Variants in TXLNA observed in about 807,000 individuals in gnomAD.
TXLNA encodes the protein taxilin alpha, also known as alpha-taxilin.
In TXLNA, 9 loss-of-function variants were observed where a neutral mutation model predicts 61.4. The ratio of observed to expected loss-of-function variants is 0.15; its 90% CI spans 0.09 to 0.26. The LOEUF (loss-of-function observed/expected upper bound fraction) is 0.26. TXLNA is among the 10% of genes least tolerant of loss of function. TXLNA has a pLI of 1.00. For synonymous variants in TXLNA, 257 were observed against 267.7 expected, an observed-to-expected ratio of 0.96 and a Z score of 0.39; for missense variants, 565 against 688.8, an observed-to-expected ratio of 0.82 and a Z score of 2.01.
intron 1 of TXLNA, 67 bp from the exon 2 acceptor site, chr1:32,180,247 G>A (rs1384824711): frequency 6.3e-6 from 9 of 1,433,998 alleles, no homozygotes; most frequent in African/African-American, 1.4e-5. Context: ...CCTGCTGTGG[G>A]GATTTCTGAT....
Position 32,192,212 on chromosome 1 carries a change from G to C in TXLNA, c.964-99G>C. ...ATGGGAGTCCATCATATCAGATTGA[G>C]ATGGGGGGCTGGGCAAAGTGCCCTG... On this transcript the variant is annotated intron_variant, in intron 6 of 10. Transcript: ENST00000373610. The surrounding 1 kb of genome is among the most constrained non-coding windows in gnomAD (Gnocchi z 4.2). 6.6e-7 allele frequency: 1 copy of C among 1,524,554 alleles called. No homozygotes were observed. Among genetic ancestry groups the C allele is most frequent in the Non-Finnish European group, 8.9e-7 (1 of 1,119,882 alleles). The allele number at this position is 1,524,554 out of a possible 1,614,324, so 94.4% of individuals were successfully genotyped here.
intron 3 of TXLNA, among the ~76,000 whole-genome samples, chr1:32,183,583 T>A (rs1025425545): frequency 2.2e-5 from 3 of 137,236 alleles, no homozygotes; most frequent in Non-Finnish European, 4.7e-5. Context: ...CCTGCTACCA[T>A]GCCCGGCTAA....
chr1:32,190,269 C>T lies in TXLNA; in HGVS notation c.963+20C>T, dbSNP rs1420803276. On this transcript the variant is annotated intron_variant, in intron 6 of 10. Coordinates refer to ENST00000373610, the MANE Select transcript of TXLNA (RefSeq NM_175852.4). ...GAGGAGGTAAGGGTATCACGGACAG[C>T]AGTCATGGCCCAGAAATTGTGAGGT... 2 of 1,569,586 alleles carry T rather than the reference C, an allele frequency of 1.3e-6. No homozygotes were observed. The highest frequency in any genetic ancestry group is 2.3e-5 in the East Asian group (1 of 43,288).
intron 10 of TXLNA, 22 bp downstream of exon 10, chr1:32,194,182 G>C: frequency 6.2e-7 from 1 of 1,603,536 alleles, no homozygotes; most frequent in Non-Finnish European, 8.5e-7. Context: ...GTGATCTGCA[G>C]CCAGGGTGGG....
Position 32,192,821 on chromosome 1 carries a change from C to CACAGCCAGTCCTAGAA in TXLNA, c.1158+90_1158+91insACAGCCAGTCCTAGAA. 4 of 1,350,616 alleles carry CACAGCCAGTCCTAGAA rather than the reference C, an allele frequency of 3.0e-6. No individual in the cohort carries two copies. The highest frequency in any genetic ancestry group is 1.2e-5 in the South Asian group (1 of 83,450). The allele number at this position is 1,350,616 out of a possible 1,614,324, so 83.7% of individuals were successfully genotyped here. A position where few individuals can be genotyped will look rare whatever the true frequency, so the allele number is the denominator to read the frequency against. ...GTGAAATGGGACCCTCATTCTAGGA[C>CACAGCCAGTCCTAGAA]TGGCTGTGTCCTGGCTGCTATGACG... On this transcript the variant is annotated intron_variant, in intron 8 of 10. Coordinates refer to ENST00000373610, the MANE Select transcript of TXLNA (RefSeq NM_175852.4). This position sits in a 1 kb window ranked among gnomAD's most constrained non-coding sequence, Gnocchi z 4.2.
chr1:32,192,098 T>TTACCAAGG lies in TXLNA; in HGVS notation c.964-211_964-204dup, dbSNP rs1203755291. On this transcript the variant is annotated intron_variant, in intron 6 of 10. Coordinates refer to ENST00000373610, the MANE Select transcript of TXLNA (RefSeq NM_175852.4). The surrounding 1 kb of genome is among the most constrained non-coding windows in gnomAD (Gnocchi z 4.2). ...CAGATTCCATCCATAAACCATGTGC[T>TTACCAAGG]TACCAAGGTCTGACTCACTGGGAGA... Among the ~76,000 whole-genome samples, 1 of 152,230 alleles carries TTACCAAGG rather than the reference T, an allele frequency of 6.6e-6. No homozygotes were observed. The highest frequency in any genetic ancestry group is 1.5e-5 in the Non-Finnish European group (1 of 68,030).
intron 9 of TXLNA, among the ~76,000 whole-genome samples, chr1:32,193,584 AG>A (rs1642952518): frequency 6.6e-6 from 1 of 151,996 alleles, no homozygotes; most frequent in East Asian, 1.9e-4. Flanking sequence ...CCTATTGCCC[AG>A]GCTGGAGTGC....
chr1:32,197,660 CTG>C lies in TXLNA; in HGVS notation c.*2469_*2470del, dbSNP rs1643053115. On this transcript the variant is annotated 3_prime_UTR_variant, in exon 11 of 11. Transcript: ENST00000373610. The surrounding 1 kb of genome is among the most constrained non-coding windows in gnomAD (Gnocchi z 4.6). Reference sequence around the variant, plus strand: ...GTGACCTCAGTTTTAGGACCAAGATCTGTGTTGGTTTCTTAGATTGCTAGCTT... The same window carrying C: ...GTGACCTCAGTTTTAGGACCAAGATCTGTTGGTTTCTTAGATTGCTAGCTT... 1 of 152,260 alleles carries C rather than the reference CTG, an allele frequency of 6.6e-6. No individual in the cohort carries two copies. Among genetic ancestry groups the C allele is most frequent in the South Asian group, 2.1e-4 (1 of 4,836 alleles). The allele number at this position is 152,260 out of a possible 1,614,324, so 9.4% of individuals were successfully genotyped here. A position where few individuals can be genotyped will look rare whatever the true frequency, so the allele number is the denominator to read the frequency against.
chr1:32,192,497 T>C lies in TXLNA; in HGVS notation c.1083+67T>C. On this transcript the variant is annotated intron_variant, in intron 7 of 10. Coordinates refer to ENST00000373610, the MANE Select transcript of TXLNA (RefSeq NM_175852.4). The surrounding 1 kb of genome is among the most constrained non-coding windows in gnomAD (Gnocchi z 4.2). Reference sequence around the variant, plus strand: ...ACAGGCTGGGCTCTGGCTCAGCTCATAGCCGGGTTATATGGGAGAAGTCTG... The same window carrying C: ...ACAGGCTGGGCTCTGGCTCAGCTCACAGCCGGGTTATATGGGAGAAGTCTG... The C allele has an allele frequency of 6.2e-7, 1 of 1,603,146 alleles. No homozygotes were observed. The highest frequency in any genetic ancestry group is 8.5e-7 in the Non-Finnish European group (1 of 1,172,650).
chr1:32,190,356 TTCC>T (rs10551696), intron 6 of TXLNA, 107 bp downstream of exon 6: 86,242 of 1,027,592 alleles, frequency 0.084, 6,474 homozygotes, highest in African/African-American at 0.26. Context: ...TCTCCCTTTC[TTCC>T]TCCTCCTCCT....
chr1:32,182,682 T>C (rs1642692379), intron 3 of TXLNA, among the ~76,000 whole-genome samples: 1 of 150,550 alleles, frequency 6.6e-6, no homozygotes, highest in Admixed American at 6.6e-5. Flanking sequence ...AAAAAGAATC[T>C]AGAATCTAAG....
rs1295310978 is a variant in TXLNA at position 32,192,221 on chromosome 1, C to T, written c.964-90C>T. ...CATCATATCAGATTGAGATGGGGGGCTGGGCAAAGTGCCCTGGTCTGTGGC... is the reference window on the plus strand; with the variant it reads ...CATCATATCAGATTGAGATGGGGGGTTGGGCAAAGTGCCCTGGTCTGTGGC... On this transcript the variant is annotated intron_variant, in intron 6 of 10. Coordinates refer to ENST00000373610, the MANE Select transcript of TXLNA (RefSeq NM_175852.4). This position sits in a 1 kb window ranked among gnomAD's most constrained non-coding sequence, Gnocchi z 4.2. The T allele has an allele frequency of 6.4e-7, 1 of 1,550,894 alleles. No individual in the cohort carries two copies. Among genetic ancestry groups the T allele is most frequent in the Non-Finnish European group, 8.8e-7 (1 of 1,140,656 alleles).
At chr1:32,189,186 T>G (rs1642851846) in intron 5 of TXLNA, among the ~76,000 whole-genome samples, 2 of 152,194 alleles carry the variant, frequency 1.3e-5, no homozygotes, top group African/African-American at 2.4e-5. Context: ...ATAGTGAAAA[T>G]TCTTGTTATA....
rs192529966 is a variant in TXLNA, at chr1:32,182,911, C to T, written c.505+1334C>T. Reference sequence around the variant, plus strand: ...TGAAACCCCAGTTCTACTAAAGATACAAAAAATCAGCCGGGCGTGGTGGCA... The same window carrying T: ...TGAAACCCCAGTTCTACTAAAGATATAAAAAATCAGCCGGGCGTGGTGGCA... On this transcript the variant is annotated intron_variant, in intron 3 of 10. Transcript: ENST00000373610. Among the ~76,000 whole-genome samples, 545 of 149,142 alleles carry T rather than the reference C, an allele frequency of 3.7e-3. 3 individuals are homozygous for T. The highest frequency in any genetic ancestry group is 0.018 in the South Asian group (84 of 4,656).
rs201188724 is a variant in TXLNA at position 32,180,491 on chromosome 1, G to T, written c.146G>T (p.Ser49Ile). 2.4e-5 allele frequency: 38 copies of T among 1,607,930 alleles called. No homozygotes were observed. In the South Asian group the frequency reaches 4.2e-4, roughly 18 times the overall value. The change falls in exon 2 of 11, where the codon AGC (serine) becomes ATC (isoleucine). Residue 49 changes from serine to isoleucine, a missense_variant. By Grantham distance (142) the Ser-to-Ile change is moderately radical (BLOSUM62 -2). This residue lies in a region of TXLNA where 192 missense variants were observed against 184.8 expected (regional missense o/e 1.04). Coordinates refer to ENST00000373610, the MANE Select transcript of TXLNA (RefSeq NM_175852.4). ...GTAGAAGCAGAAGGTCCCGGCAGCA[G>T]CCAGGCTCCTCGGAAGCCGGAGGGT... ...PAVEAEGPGSSQAPRKPEGAQ... is the reference protein window; with the variant it reads ...PAVEAEGPGSIQAPRKPEGAQ...
intron 4 of TXLNA, among the ~76,000 whole-genome samples, chr1:32,184,871 G>C (rs745884325): frequency 7.9e-5 from 12 of 152,202 alleles, no homozygotes; most frequent in Non-Finnish European, 1.5e-4. Flanking sequence ...CCTGGCCTGA[G>C]TCCAAGACAC....
intron 4 of TXLNA, among the ~76,000 whole-genome samples, chr1:32,185,382 G>T (rs199585183): frequency 6.0e-4 from 90 of 148,948 alleles, no homozygotes; most frequent in South Asian, 1.9e-3. Context: ...ATGTATGTAT[G>T]TATGTATTTA....
intron 6 of TXLNA, among the ~76,000 whole-genome samples, chr1:32,191,048 T>G (rs1439685372): frequency 6.7e-6 from 1 of 149,710 alleles, no homozygotes; most frequent in Non-Finnish European, 1.5e-5. Flanking sequence ...GAGCCAAGAT[T>G]GTGCTACTGC....
intron 4 of TXLNA, among the ~76,000 whole-genome samples, chr1:32,186,591 G>C (rs1642793977): frequency 6.6e-6 from 1 of 152,188 alleles, no homozygotes; most frequent in South Asian, 2.1e-4. Flanking sequence ...GAGGGTGTAA[G>C]AAATCCAAGC....
Sources: allele counts gnomAD v4.1 joint callset (sites outside exome capture counted in the v4.1 genomes callset), GRCh38; gene constraint gnomAD v4.1.1; regional missense constraint gnomAD v4.1.1; non-coding constraint Gnocchi (gnomAD v3.1); transcripts MANE v1.5; gene names NCBI Gene and HGNC (gene_info 2026-07-23, HGNC 2026-07-21).